The following OCA2 variants were observed in gnomAD, a reference collection of about 807,000 sequenced individuals.
The protein encoded by OCA2 is OCA2 melanosomal transmembrane protein, also known as P protein.
OCA2 carries 77 observed loss-of-function variants against 100.2 expected under a neutral mutation model. The ratio of observed to expected loss-of-function variants is 0.77; its 90% CI spans 0.64 to 0.93. The LOEUF (loss-of-function observed/expected upper bound fraction) is 0.93. Ranked by LOEUF, OCA2 falls within the 40% of genes least tolerant of loss-of-function variation. OCA2 has a pLI of 0.00. For missense variants in OCA2, 1,062 were observed against 1,089.1 expected (o/e 0.98, Z 0.35); for synonymous variants, 432 against 439.2 (o/e 0.98, Z 0.21).
chr15:27,862,312 C>T (rs1260833871), intron 21 of OCA2, among the ~76,000 whole-genome samples: 2 of 151,910 alleles, frequency 1.3e-5, no homozygotes, highest in African/African-American at 4.8e-5. Flanking sequence ...TCATCAGCCT[C>T]GAGTCCTCAC....
At chr15:27,878,192 A>G (rs950104717) in intron 19 of OCA2, among the ~76,000 whole-genome samples, 1 of 151,954 alleles carries the variant, frequency 6.6e-6, no homozygotes, top group Non-Finnish European at 1.5e-5. Context: ...TATACATTAA[A>G]ACTCCCACCA....
chr15:27,937,056 G>A (rs1029878081), intron 18 of OCA2, among the ~76,000 whole-genome samples: 1 of 152,126 alleles, frequency 6.6e-6, no homozygotes, highest in South Asian at 2.1e-4. Context: ...CTGCCCCAGA[G>A]GCTGAATTGT....
At chr15:28,011,194 G>A (rs1322432820) in intron 9 of OCA2, among the ~76,000 whole-genome samples, 1 of 152,194 alleles carries the variant, frequency 6.6e-6, no homozygotes, top group Non-Finnish European at 1.5e-5. Flanking sequence ...GCCTGGCACA[G>A]TCACTCACAC....
chr15:27,996,478 AT>A (rs956667900), intron 9 of OCA2, among the ~76,000 whole-genome samples: 2 of 152,136 alleles, frequency 1.3e-5, no homozygotes, highest in African/African-American at 4.8e-5. Context: ...AAGGAAAAAA[AT>A]ATTGGCAGAA....
intron 19 of OCA2, among the ~76,000 whole-genome samples, chr15:27,900,091 A>G (rs2037866813): frequency 6.6e-6 from 1 of 152,202 alleles, no homozygotes; most frequent in Non-Finnish European, 1.5e-5. Flanking sequence ...GTGACCGTGC[A>G]GTCAACAAAA....
chr15:27,997,282 G>A lies in OCA2; in HGVS notation c.1045-6635C>T, dbSNP rs114433186. On this transcript the variant is annotated intron_variant, in intron 9 of 23. Transcript: ENST00000354638. ...GAAAGGGAAAATTAATTAATTTCAGGCCAATATCCCTGATGAACTTAGATG... is the reference window on the plus strand; with the variant it reads ...GAAAGGGAAAATTAATTAATTTCAGACCAATATCCCTGATGAACTTAGATG... Among the ~76,000 whole-genome samples, 1,220 of 152,118 alleles carry A rather than the reference G, an allele frequency of 8.0e-3. 26 individuals are homozygous for A. Among genetic ancestry groups the A allele is most frequent in the African/African-American group, 0.027 (1,133 of 41,486 alleles).
intron 2 of OCA2, among the ~76,000 whole-genome samples, chr15:28,040,665 T>TTATTTA (rs2043175668): frequency 6.6e-6 from 1 of 152,076 alleles, no homozygotes; most frequent in African/African-American, 2.4e-5. Context: ...GACTACCAAT[T>TTATTTA]TTTAAAAAAT....
intron 23 of OCA2, among the ~76,000 whole-genome samples, chr15:27,824,602 C>CTATATATATATATATA (rs142689690): frequency 1.1e-4 from 5 of 47,488 alleles, no homozygotes; most frequent in Non-Finnish European, 1.3e-4. Flanking sequence ...CTCTCTCTCT[C>CTATATATATATATATA]TATATATATA....
chr15:28,049,714 C>T (rs908758445), intron 2 of OCA2, among the ~76,000 whole-genome samples: 14 of 152,092 alleles, frequency 9.2e-5, no homozygotes, highest in African/African-American at 2.7e-4. Flanking sequence ...AACAAAAGGA[C>T]AAATGCTGCA....
chr15:28,018,952 A>C (rs2042497323), intron 6 of OCA2, among the ~76,000 whole-genome samples: 1 of 152,164 alleles, frequency 6.6e-6, no homozygotes, highest in Non-Finnish European at 1.5e-5. Context: ...CTCTTCATCA[A>C]ACCTAGCATC....
chr15:27,991,243 C>T (rs970789563), intron 9 of OCA2, among the ~76,000 whole-genome samples: 4 of 152,124 alleles, frequency 2.6e-5, no homozygotes, highest in Non-Finnish European at 4.4e-5. Context: ...CAGTTTCTTA[C>T]GAAGTTAAAC....
At chr15:27,823,626 T>A (rs1305920412) in intron 23 of OCA2, among the ~76,000 whole-genome samples, 1 of 152,226 alleles carries the variant, frequency 6.6e-6, no homozygotes, top group African/African-American at 2.4e-5. Context: ...GTTATTTTAG[T>A]ATCTTCTAGA....
At chr15:28,023,337 G>T (rs559167663) in intron 5 of OCA2, among the ~76,000 whole-genome samples, 1 of 152,304 alleles carries the variant, frequency 6.6e-6, no homozygotes, top group African/African-American at 2.4e-5. Flanking sequence ...CTCATGGGTT[G>T]GTTATTAAGA....
intron 2 of OCA2, among the ~76,000 whole-genome samples, chr15:28,052,907 ACT>A (rs2043560268): frequency 6.6e-6 from 1 of 152,108 alleles, no homozygotes. Flanking sequence ...GGCACGTAAG[ACT>A]CTGTGAGCAA....
At chr15:27,751,400 TA>T (rs772460866), downstream of OCA2, among the ~76,000 whole-genome samples, 10 of 152,064 alleles carry the variant, frequency 6.6e-5, no homozygotes, top group Non-Finnish European at 1.3e-4. Context: ...ACAAAAGAAA[TA>T]CAACATCCTG....
chr15:27,958,999 A>G (rs1355406357), intron 15 of OCA2, among the ~76,000 whole-genome samples: 2 of 152,154 alleles, frequency 1.3e-5, no homozygotes, highest in Non-Finnish European at 2.9e-5. Flanking sequence ...TCAGTACGTG[A>G]GTGCTCATCA....
At chr15:27,771,147 C>A (rs2031813517) in intron 23 of OCA2, among the ~76,000 whole-genome samples, 1 of 151,162 alleles carries the variant, frequency 6.6e-6, no homozygotes, top group African/African-American at 2.4e-5. Context: ...TCCTTCCCTC[C>A]CCTTGCAGCG....
chr15:27,997,723 T>G (rs1464021898), intron 9 of OCA2, among the ~76,000 whole-genome samples: 1 of 113,234 alleles, frequency 8.8e-6, no homozygotes, highest in African/African-American at 2.6e-5. Context: ...AGAAAGTCAT[T>G]GGTAGCTTGC....
At chr15:28,020,119 G>A (rs897452379) in intron 6 of OCA2, among the ~76,000 whole-genome samples, 7 of 151,294 alleles carry the variant, frequency 4.6e-5, no homozygotes, top group Non-Finnish European at 1.0e-4. Flanking sequence ...ACAGCTCCCC[G>A]CCCCCACCCA....
Sources: gnomAD v4.1 joint callset for allele counts (sites outside exome capture counted in the v4.1 genomes callset) on GRCh38, gnomAD v4.1.1 for gene constraint, MANE v1.5 for transcripts, NCBI Gene and HGNC (gene_info 2026-07-23, HGNC 2026-07-21) for gene names.